The following DONSON variants were observed in gnomAD, a reference collection of about 807,000 sequenced individuals.
DONSON encodes protein downstream neighbor of Son.
Under a neutral mutation model 62.1 loss-of-function variants are expected in DONSON, and 43 were observed. The ratio of observed to expected loss-of-function variants is 0.69; its 90% confidence interval spans 0.54 to 0.89. The LOEUF is 0.89. Ranked by LOEUF, DONSON falls within the 40% of genes least tolerant of loss-of-function variation. The probability of loss-of-function intolerance (pLI) is 0.00; values close to 1 mark genes in which losing one functional copy is unlikely to be tolerated. For synonymous variants in DONSON, 266 were observed against 264.6 expected, an observed-to-expected ratio of 1.01 and a Z score of -0.05; for missense variants, 696 against 697.5, an observed-to-expected ratio of 1.00 and a Z score of 0.03.
chr21:33,587,677 T>G, intron 1 of DONSON, 75 bp from the exon 2 acceptor site: 1 of 956,060 alleles, frequency 1.0e-6, no homozygotes, highest in Non-Finnish European at 1.6e-6. Context: ...GAGCCTCACC[T>G]GGCATACATG....
chr21:33,584,445 TGTTG>T (rs1202877837), intron 4 of DONSON, 141 bp downstream of exon 4: 3 of 712,586 alleles, frequency 4.2e-6, no homozygotes, highest in South Asian at 5.6e-5. Flanking sequence ...ACAGTTTATA[TGTTG>T]GTTATTAATA....
chr21:33,581,265 T>C, intron 8 of DONSON, 37 bp downstream of exon 8: 1 of 1,584,128 alleles, frequency 6.3e-7, no homozygotes, highest in Non-Finnish European at 8.6e-7. Flanking sequence ...CAAAGTAAAG[T>C]ACTTCTTAAA....
intron 2 of DONSON, among the ~76,000 whole-genome samples, chr21:33,587,138 G>T (rs929564576): frequency 6.6e-6 from 1 of 152,188 alleles, no homozygotes; most frequent in African/African-American, 2.4e-5. Context: ...TGTGTTAGGG[G>T]AGAGGAGCAA....
chr21:33,581,106 A>G (rs925604608), intron 8 of DONSON, 196 bp downstream of exon 8: 1 of 517,130 alleles, frequency 1.9e-6, no homozygotes, highest in Admixed American at 3.2e-5. Flanking sequence ...AAAGGATTTC[A>G]TATAATTTAT....
chr21:33,578,622 A>G (rs533714792), intron 9 of DONSON, among the ~76,000 whole-genome samples, 178 bp from the exon 10 acceptor site: 1 of 152,368 alleles, frequency 6.6e-6, no homozygotes, highest in East Asian at 1.9e-4. Context: ...AATGGTTATA[A>G]GTCTAGCCAA....
chr21:33,587,099 T>C (rs1222538211), intron 2 of DONSON, among the ~76,000 whole-genome samples: 1 of 152,112 alleles, frequency 6.6e-6, no homozygotes, highest in African/African-American at 2.4e-5. Flanking sequence ...CACAGCACAA[T>C]GGTAGTAGTT....
chr21:33,584,671 AT>A lies in DONSON; in HGVS notation c.703del (p.Ile235LeufsTer24). 1.2e-6 allele frequency: 2 copies of A among 1,613,408 alleles called. No individual in the cohort carries two copies. The highest frequency in any genetic ancestry group is 1.7e-6 in the Non-Finnish European group (2 of 1,179,486). Reference sequence around the variant, plus strand: ...TCCAGCCATTTTTCTATCAGCTCCAATACGAGGGAACAGTGGTAGCCAAGAC... The same window carrying A: ...TCCAGCCATTTTTCTATCAGCTCCAAACGAGGGAACAGTGGTAGCCAAGAC... ...ALSWLPLFPRIGADRKMAGKT... is the reference protein window; with the variant it reads ...ALSWLPLFPRXGADRKMAGKT... On this transcript the variant is annotated frameshift_variant, in exon 4 of 10. Coordinates refer to ENST00000303071, the MANE Select transcript of DONSON (RefSeq NM_017613.4). LOFTEE classifies it high-confidence loss of function.
intron 8 of DONSON, chr21:33,581,085 A>T (rs2145901378): frequency 4.5e-6 from 2 of 439,664 alleles, no homozygotes; most frequent in South Asian, 6.0e-5. Flanking sequence ...TCCATCTCGA[A>T]AAGAAAATAA....
chr21:33,584,041 T>TAC (rs1355769310), intron 4 of DONSON, among the ~76,000 whole-genome samples: 1 of 124,232 alleles, frequency 8.0e-6, no homozygotes, highest in East Asian at 2.4e-4. Flanking sequence ...TATATATATA[T>TAC]ATATACTTTT....
At position 33,578,398 on chromosome 21, in the gene DONSON, G is replaced by C. The variant is rs763879389; in HGVS notation, c.1610C>G (p.Thr537Ser). Residue 537 changes from threonine (T) to serine (S), a missense_variant, in exon 10 of 10, where the codon ACT becomes AGT. Physicochemically the swap from Thr to Ser is moderately conservative, Grantham distance 58. Transcript: ENST00000303071. ...CGGTATTTGACTAAGTTGCTCCAGAGTGTTAGGGTGCAAACCACAGTTAGT... is the reference window on the plus strand; with the variant it reads ...CGGTATTTGACTAAGTTGCTCCAGACTGTTAGGGTGCAAACCACAGTTAGT... The part of the protein sequence containing the change: ...ELTNCGLHPN[T>S]LEQLSQIPLL... The C allele has an allele frequency of 6.2e-7, 1 of 1,614,054 alleles. No homozygotes were observed. The highest frequency in any genetic ancestry group is 2.2e-5 in the East Asian group (1 of 44,834).
Position 33,582,327 on chromosome 21 carries a change from T to C in DONSON, c.965-81A>G, listed in dbSNP as rs936937049. 4.5e-5 allele frequency: 53 copies of C among 1,183,850 alleles called. No homozygotes were observed. The Middle Eastern group carries it at 8.7e-4, about 19-fold the overall frequency. The allele number at this position is 1,183,850 out of a possible 1,614,324, so 73.3% of individuals were successfully genotyped here. A position where few individuals can be genotyped will look rare whatever the true frequency, so the allele number is the denominator to read the frequency against. ...GCTGTACTTTTAGAGTGTAAAAAAT[T>C]TGAAATGTTAGTTTTTACAAATGAT... On this transcript the variant is annotated intron_variant, in intron 5 of 9. Coordinates refer to ENST00000303071, the MANE Select transcript of DONSON (RefSeq NM_017613.4).
intron 8 of DONSON, among the ~76,000 whole-genome samples, chr21:33,580,804 C>T (rs916941891): frequency 6.6e-6 from 1 of 152,036 alleles, no homozygotes. Context: ...ATCGCTTGAA[C>T]CCCAGAGTTG....
At position 33,588,389 on chromosome 21, in the gene DONSON, T is replaced by C; in HGVS notation, c.253A>G (p.Asn85Asp). The change falls in exon 1 of 10, where the codon AAC becomes GAC. Residue 85 changes from asparagine (N) to aspartate (D), a missense_variant. Coordinates refer to ENST00000303071, the MANE Select transcript of DONSON (RefSeq NM_017613.4). Reference sequence around the variant, plus strand: ...GGCTCCGCGGCGACCCGCGGTCGGTTGTCCAGGCGGGCGAAGGGGTTCCTC... The same window carrying C: ...GGCTCCGCGGCGACCCGCGGTCGGTCGTCCAGGCGGGCGAAGGGGTTCCTC... ...ARRNPFARLD[N>D]RPRVAAEPPD... is the part of the protein sequence containing the mutation. 1 of 1,297,740 alleles carries C rather than the reference T, an allele frequency of 7.7e-7. No homozygotes were observed. Among genetic ancestry groups the C allele is most frequent in the Non-Finnish European group, 9.7e-7 (1 of 1,027,902 alleles). The allele number at this position is 1,297,740 out of a possible 1,614,324, so 80.4% of individuals were successfully genotyped here.
Position 33,578,275 on chromosome 21 carries a change from C to T in DONSON, c.*32G>A, listed in dbSNP as rs528633155. 1.3e-6 allele frequency: 2 copies of T among 1,589,072 alleles called. No homozygotes were observed. The highest frequency in any genetic ancestry group is 1.8e-5 in the Admixed American group (1 of 55,964). ...ATTTCCTTGCTAGAAGGCTTTTTTC[C>T]TCAAAGATTCCTTTTAGGCTTACTT... is the stretch of plus-strand genomic sequence containing the variant. On this transcript the variant is annotated 3_prime_UTR_variant, in exon 10 of 10. Coordinates refer to ENST00000303071, the MANE Select transcript of DONSON (RefSeq NM_017613.4).
chr21:33,579,288 T>G, intron 9 of DONSON, 62 bp downstream of exon 9: 1 of 1,305,340 alleles, frequency 7.7e-7, no homozygotes, highest in African/African-American at 1.5e-5. Flanking sequence ...ATGACTCAAT[T>G]TCCCTCCAGC....
In DONSON at chr21:33,581,945, G is replaced by A. The variant is rs751342861; in HGVS notation, c.1151+6C>T. 2 of 1,612,928 alleles carry A rather than the reference G, an allele frequency of 1.2e-6. No homozygotes were observed. Among genetic ancestry groups the A allele is most frequent in the Non-Finnish European group, 1.7e-6 (2 of 1,178,922 alleles). On this transcript the variant is annotated splice_donor_region_variant and intron_variant, in intron 7 of 9. Coordinates refer to ENST00000303071, the MANE Select transcript of DONSON (RefSeq NM_017613.4). ...TAATTCTAGTTAACAACAACTGAAA[G>A]GATACAGCTTGATAGAAAGTATGTC...
chr21:33,582,141 T>C (rs780667282), intron 6 of DONSON, 24 bp downstream of exon 6: 6 of 1,612,790 alleles, frequency 3.7e-6, no homozygotes, highest in Admixed American at 3.3e-5. Flanking sequence ...CAGTGGATGA[T>C]ATAAAGTTAT....
chr21:33,581,996 C>T lies in DONSON; in HGVS notation c.1106G>A (p.Gly369Asp). The change falls in exon 7 of 10, where the codon GGT (glycine) becomes GAT (aspartate). Residue 369 changes from glycine (G) to aspartate (D), a missense_variant. Physicochemically the swap from Gly to Asp is moderately conservative, Grantham distance 94. Transcript: ENST00000303071. The part of the protein sequence containing the change: ...EESFSWLEEM[G>D]VQDKIKKPDI... The stretch of plus-strand genomic sequence containing the variant: ...TGGCTTTTTAATTTTATCTTGCACA[C>T]CCATCTCTTCCAGCCAGGAAAAACT... 6.2e-7 allele frequency: 1 copy of T among 1,614,122 alleles called. No individual in the cohort carries two copies. The highest frequency in any genetic ancestry group is 8.5e-7 in the Non-Finnish European group (1 of 1,180,014).
Position 33,579,395 on chromosome 21 carries a change from A to T in DONSON, c.1518T>A (p.Thr506=). Reference sequence around the variant, plus strand: ...TTTGCAGGCAGATGTTAAATACAGCAGTTGGCTCGTGTGGATACAGTACTG... The same window carrying T: ...TTTGCAGGCAGATGTTAAATACAGCTGTTGGCTCGTGTGGATACAGTACTG... ...FSAVLYPHEP[T]AVFNICLQMD... Residue 506 remains threonine (T), a synonymous_variant, in exon 9 of 10, where the codon ACT becomes ACA. Coordinates refer to ENST00000303071, the MANE Select transcript of DONSON (RefSeq NM_017613.4). 6.2e-7 allele frequency: 1 copy of T among 1,612,638 alleles called. No homozygotes were observed. Among genetic ancestry groups the T allele is most frequent in the East Asian group, 2.2e-5 (1 of 44,858 alleles).
Sources: gnomAD v4.1 joint callset for allele counts (sites outside exome capture counted in the v4.1 genomes callset) on GRCh38, gnomAD v4.1.1 for gene constraint, MANE v1.5 for transcripts, NCBI Gene and HGNC (gene_info 2026-07-23, HGNC 2026-07-21) for gene names.